Variants in SP100 observed in about 807,000 individuals in gnomAD.
SP100 encodes nuclear autoantigen Sp-100.
A neutral mutation model predicts 130.0 loss-of-function variants in SP100; 84 were observed. The ratio of observed to expected loss-of-function variants is 0.65; its 90% CI spans 0.54 to 0.77. The LOEUF (loss-of-function observed/expected upper bound fraction) is 0.77, where lower values mean the gene tolerates loss of function less well. Among genes scored for constraint, SP100 ranks in the 30% least tolerant of loss-of-function variants. The pLI, the probability that SP100 is intolerant of heterozygous loss-of-function variation, is 0.00. For missense variants in SP100, 978 were observed against 1,052.2 expected (o/e 0.93, Z 0.97); for synonymous variants, 331 against 351.7 (o/e 0.94, Z 0.66).
At chr2:230,525,208 C>G (rs1691364533) in intron 24 of SP100, among the ~76,000 whole-genome samples, 1 of 152,002 alleles carries the variant, frequency 6.6e-6, no homozygotes, top group African/African-American at 2.4e-5. Context: ...AAAGTTCAAC[C>G]ATGTCATAGA....
rs999548490 is a variant in SP100 at position 230,515,729 on chromosome 2, G to A, written c.2094+4563G>A. 2.9e-5 allele frequency: 44 copies of A among 1,517,186 alleles called. No individual in the cohort carries two copies. The African/African-American group carries it at 3.1e-4, about 11-fold the overall frequency. 94.0% of individuals were successfully genotyped at this position (1,517,186 alleles called of 1,614,324 possible). ...TCCTTTTAAAGAAAAAAACTTCAACGTAAGACTGTGTAAGATTTGTTTTTA... is the reference window on the plus strand; with the variant it reads ...TCCTTTTAAAGAAAAAAACTTCAACATAAGACTGTGTAAGATTTGTTTTTA... On this transcript the variant is annotated intron_variant, in intron 24 of 28. Coordinates refer to ENST00000340126, the MANE Select transcript of SP100 (RefSeq NM_001080391.2).
At chr2:230,539,680 C>G (rs1238329116) in intron 25 of SP100, among the ~76,000 whole-genome samples, 1 of 152,150 alleles carries the variant, frequency 6.6e-6, no homozygotes, top group African/African-American at 2.4e-5. Flanking sequence ...TGGGGTGATG[C>G]CATCATACAC....
chr2:230,454,825 G>A lies in SP100; in HGVS notation c.820+4570G>A, dbSNP rs191685348. On this transcript the variant is annotated intron_variant, in intron 8 of 28. Transcript: ENST00000340126. Reference sequence around the variant, plus strand: ...TTGGTCTAAAGTATAGTTTAAGTTTGATGTGTTCTTATTGATTTTCTCCCT... The same window carrying A: ...TTGGTCTAAAGTATAGTTTAAGTTTAATGTGTTCTTATTGATTTTCTCCCT... Among the ~76,000 whole-genome samples, 7 of 152,172 alleles carry A rather than the reference G, an allele frequency of 4.6e-5. No individual in the cohort carries two copies. In the East Asian group the frequency reaches 1.4e-3, roughly 29 times the overall value.
chr2:230,462,488 G>C lies in SP100; in HGVS notation c.1027G>C (p.Val343Leu). ...CACTGACGTTGATGAGCCCTTAGAA[G>C]TCTTCATCTCAGCACCGAGAAGTGA... Reference protein sequence around the residue: ...GSTDVDEPLEVFISAPRSEPV... With the variant: ...GSTDVDEPLELFISAPRSEPV... The change falls in exon 10 of 29, where the codon GTC becomes CTC. Residue 343 changes from valine (V) to leucine (L), a missense_variant. Val to Leu is a conservative substitution (Grantham distance 32, BLOSUM62 1). Transcript: ENST00000340126. 1 of 1,613,894 alleles carries C rather than the reference G, an allele frequency of 6.2e-7. No homozygotes were observed. Among genetic ancestry groups the C allele is most frequent in the South Asian group, 1.1e-5 (1 of 91,058 alleles).
At chr2:230,426,921 GA>G (rs1404544589) in intron 2 of SP100, among the ~76,000 whole-genome samples, 6 of 152,034 alleles carry the variant, frequency 3.9e-5, no homozygotes, top group Non-Finnish European at 5.9e-5. Context: ...TAGTTATTTA[GA>G]TGTTGCAGTG....
intron 21 of SP100, among the ~76,000 whole-genome samples, chr2:230,504,925 G>T (rs193238760): frequency 2.0e-5 from 3 of 152,186 alleles, no homozygotes; most frequent in Middle Eastern, 3.4e-3. Flanking sequence ...TCTTGTAAGA[G>T]AATATAAATA....
intron 8 of SP100, among the ~76,000 whole-genome samples, chr2:230,457,791 A>G (rs1450870838): frequency 6.6e-6 from 1 of 152,000 alleles, no homozygotes. Context: ...TCTGCAGGGG[A>G]TGGAGGGCTG....
At chr2:230,450,051 G>A (rs1575628127) in intron 7 of SP100, 121 bp from the exon 8 acceptor site, 1 of 698,904 alleles carries the variant, frequency 1.4e-6, no homozygotes, top group East Asian at 2.6e-5. Flanking sequence ...AGCAATATAT[G>A]CAGACAGGGG....
chr2:230,441,998 A>C (rs1245912392), intron 2 of SP100, among the ~76,000 whole-genome samples: 3 of 152,090 alleles, frequency 2.0e-5, no homozygotes, highest in Non-Finnish European at 2.9e-5. Context: ...GTCATTGTGA[A>C]TCTAATTCCT....
At chr2:230,427,833 C>T (rs2062980677) in intron 2 of SP100, among the ~76,000 whole-genome samples, 1 of 152,322 alleles carries the variant, frequency 6.6e-6, no homozygotes, top group Admixed American at 6.5e-5. Context: ...TTTTACTTCT[C>T]CCCTCCCTCA....
At position 230,473,069 on chromosome 2, in the gene SP100, C is replaced by G. The variant is rs904784769; in HGVS notation, c.1430-255C>G. 2.7e-4 allele frequency: 87 copies of G among 323,568 alleles called. 1 individual carries two copies. The highest frequency in any genetic ancestry group is 1.7e-3 in the African/African-American group (81 of 46,954). 20.0% of individuals were successfully genotyped at this position (323,568 alleles called of 1,614,324 possible). On this transcript the variant is annotated intron_variant, in intron 15 of 28. Coordinates refer to ENST00000340126, the MANE Select transcript of SP100 (RefSeq NM_001080391.2). ...ACATCATCTTTTTCCCTAAAACCAGCCTTTGCTCCTCCAGTGTTCTTCATC... is the reference window on the plus strand; with the variant it reads ...ACATCATCTTTTTCCCTAAAACCAGGCTTTGCTCCTCCAGTGTTCTTCATC...
At chr2:230,434,531 G>A (rs2063191138) in intron 2 of SP100, among the ~76,000 whole-genome samples, 1 of 152,008 alleles carries the variant, frequency 6.6e-6, no homozygotes, top group South Asian at 2.1e-4. Flanking sequence ...AGACAATAAA[G>A]AATATGATAA....
At chr2:230,467,334 T>C in intron 13 of SP100, 119 bp downstream of exon 13, 2 of 710,950 alleles carry the variant, frequency 2.8e-6, no homozygotes, top group Non-Finnish European at 4.9e-6. Flanking sequence ...CTACCTCATC[T>C]GGCCATTTTG....
chr2:230,468,809 C>A, intron 13 of SP100: 1 of 234,296 alleles, frequency 4.3e-6, no homozygotes, highest in Non-Finnish European at 7.6e-6. Flanking sequence ...CAGAGTGAGA[C>A]CCTGTCTCAA....
At chr2:230,438,985 C>T (rs983413407) in intron 2 of SP100, among the ~76,000 whole-genome samples, 1 of 152,068 alleles carries the variant, frequency 6.6e-6, no homozygotes, top group Non-Finnish European at 1.5e-5. Flanking sequence ...TAAAAGTGTT[C>T]CCTTTTCACC....
intron 23 of SP100, 182 bp from the exon 24 acceptor site, chr2:230,510,943 C>T (rs2150082897): frequency 3.2e-6 from 2 of 633,914 alleles, no homozygotes; most frequent in Non-Finnish European, 2.8e-6. Flanking sequence ...GCCAAACTGT[C>T]ACTGACACAT....
intron 17 of SP100, among the ~76,000 whole-genome samples, chr2:230,475,427 C>T (rs1428525994): frequency 6.6e-6 from 1 of 152,046 alleles, no homozygotes; most frequent in South Asian, 2.1e-4. Flanking sequence ...CTTGTAGATT[C>T]TGGATATCAG....
intron 24 of SP100, among the ~76,000 whole-genome samples, chr2:230,534,881 T>C (rs1691858187): frequency 6.6e-6 from 1 of 152,196 alleles, no homozygotes; most frequent in Non-Finnish European, 1.5e-5. Context: ...ATTGTTATTT[T>C]GCATTGATTC....
intron 2 of SP100, among the ~76,000 whole-genome samples, 199 bp downstream of exon 2, chr2:230,417,864 T>TA (rs1449562901): frequency 6.6e-6 from 1 of 152,190 alleles, no homozygotes. Flanking sequence ...TCTGTAAGTA[T>TA]AAATATACTT....
Sources: allele counts gnomAD v4.1 joint callset (sites outside exome capture counted in the v4.1 genomes callset), GRCh38; gene constraint gnomAD v4.1.1; transcripts MANE v1.5; gene names NCBI Gene and HGNC (gene_info 2026-07-23, HGNC 2026-07-21).